The following CACNA1I variants were observed in gnomAD, a reference collection of about 807,000 sequenced individuals.
The protein encoded by CACNA1I is voltage-dependent T-type calcium channel subunit alpha-1I.
Under a neutral mutation model 201.6 loss-of-function variants are expected in CACNA1I, and 74 were observed. That is an observed-to-expected ratio of 0.37 (90% confidence interval 0.30 to 0.45). CACNA1I has a LOEUF of 0.45. Ranked by LOEUF, CACNA1I falls within the 20% of genes least tolerant of loss-of-function variation. CACNA1I has a pLI of 1.00. For missense variants in CACNA1I, 2,346 were observed against 3,138.1 expected (o/e 0.75, Z 6.03); for synonymous variants, 1,431 against 1,345.2 (o/e 1.06, Z -1.40).
At chr22:39,597,523 A>G (rs1195640744) in intron 1 of CACNA1I, among the ~76,000 whole-genome samples, 1 of 152,206 alleles carries the variant, frequency 6.6e-6, no homozygotes, top group Admixed American at 6.5e-5. Context: ...CCGCAGCAGG[A>G]GACTTTCTGC....
At chr22:39,614,764 G>A (rs1344428558) in intron 3 of CACNA1I, among the ~76,000 whole-genome samples, 1 of 152,170 alleles carries the variant, frequency 6.6e-6, no homozygotes, top group Non-Finnish European at 1.5e-5. Context: ...GGGAAGAAAT[G>A]GTGTCCACCC....
chr22:39,637,559 C>T (rs1460022769), intron 5 of CACNA1I, among the ~76,000 whole-genome samples: 1 of 151,976 alleles, frequency 6.6e-6, no homozygotes, highest in Non-Finnish European at 1.5e-5. Context: ...TATATATACC[C>T]AAAGATGTGT....
At chr22:39,604,744 A>C (rs549532795) in intron 3 of CACNA1I, among the ~76,000 whole-genome samples, 4 of 144,508 alleles carry the variant, frequency 2.8e-5, no homozygotes, top group African/African-American at 1.0e-4. Context: ...TGCCCGGCTA[A>C]TTTTTTTTTT....
chr22:39,630,141 A>G (rs1352543299), intron 4 of CACNA1I, among the ~76,000 whole-genome samples: 1 of 152,128 alleles, frequency 6.6e-6, no homozygotes, highest in South Asian at 2.1e-4. Flanking sequence ...ACAGCCCCTC[A>G]GCTGACTCTG....
chr22:39,684,231 A>G lies in CACNA1I; in HGVS notation c.5831-71A>G, dbSNP rs536971896. 77 of 1,391,312 alleles carry G rather than the reference A, an allele frequency of 5.5e-5. No individual in the cohort carries two copies. The African/African-American group carries it at 7.6e-4, about 14-fold the overall frequency. 86.2% of individuals were successfully genotyped at this position (1,391,312 alleles called of 1,614,324 possible). On this transcript the variant is annotated intron_variant, in intron 35 of 36. Transcript: ENST00000402142. This position sits in a 1 kb window ranked among gnomAD's most constrained non-coding sequence, Gnocchi z 4.6. ...GCTGGCCCAGTGAGATTGGTGCTCAATGCCACCTTCCAGGGGCTGCCCCCT... is the reference window on the plus strand; with the variant it reads ...GCTGGCCCAGTGAGATTGGTGCTCAGTGCCACCTTCCAGGGGCTGCCCCCT...
chr22:39,645,762 C>T (rs136824), intron 7 of CACNA1I, among the ~76,000 whole-genome samples: 2 of 152,090 alleles, frequency 1.3e-5, no homozygotes, highest in Non-Finnish European at 2.9e-5. Context: ...GAGGGGGCTG[C>T]GCCCTGAAAG....
At chr22:39,663,009 G>C in intron 18 of CACNA1I, 133 bp downstream of exon 18, 1 of 648,222 alleles carries the variant, frequency 1.5e-6, no homozygotes, top group Non-Finnish European at 2.8e-6. Flanking sequence ...CAGAGGTGGG[G>C]GTCTCCAGGG....
chr22:39,655,706 CT>C, intron 10 of CACNA1I, among the ~76,000 whole-genome samples: 1 of 152,314 alleles, frequency 6.6e-6, no homozygotes, highest in East Asian at 1.9e-4. Context: ...GCCCCTCCCT[CT>C]CCATGTCCCC....
chr22:39,644,533 C>T (rs1036252859), intron 7 of CACNA1I, among the ~76,000 whole-genome samples: 3 of 152,174 alleles, frequency 2.0e-5, no homozygotes, highest in Non-Finnish European at 4.4e-5. Context: ...TTTTTTCAGA[C>T]ACTGGGAAGG....
chr22:39,653,295 G>C (rs576131631), intron 10 of CACNA1I, among the ~76,000 whole-genome samples: 4 of 152,152 alleles, frequency 2.6e-5, no homozygotes, highest in African/African-American at 4.8e-5. Context: ...TAAAGTAAGA[G>C]GGGGAGGATG....
chr22:39,679,671 G>T, intron 32 of CACNA1I, 51 bp from the exon 33 acceptor site: 1 of 1,318,430 alleles, frequency 7.6e-7, no homozygotes. Context: ...CCACAGCCCC[G>T]GGACCCGGCT....
chr22:39,591,264 C>T (rs1398577947), intron 1 of CACNA1I, among the ~76,000 whole-genome samples: 2 of 151,212 alleles, frequency 1.3e-5, no homozygotes, highest in East Asian at 2.0e-4. Context: ...CGGGTTCAAG[C>T]GATCCTCCTG....
Position 39,679,372 on chromosome 22 carries a change from G to A in CACNA1I, c.5321G>A (p.Arg1774Gln), listed in dbSNP as rs925854645. ...LPTGSPGAPG[R>Q]GPGGAGGGGD... Reference sequence around the variant, plus strand: ...ACCGGCTCCCCGGGCGCCCCTGGCCGAGGGCCGGGAGGGGCGGGCGGCGGG... The same window carrying A: ...ACCGGCTCCCCGGGCGCCCCTGGCCAAGGGCCGGGAGGGGCGGGCGGCGGG... Residue 1774 changes from arginine (R) to glutamine (Q), a missense_variant, in exon 32 of 37, where the codon CGA becomes CAA. By Grantham distance (43) the Arg-to-Gln change is conservative (BLOSUM62 1). Around this residue, in one of 13 missense-constraint regions of CACNA1I, gnomAD observed 441 missense variants for 555.6 expected, o/e 0.79. Coordinates refer to ENST00000402142, the MANE Select transcript of CACNA1I (RefSeq NM_021096.4). 71 of 1,520,100 alleles carry A rather than the reference G, an allele frequency of 4.7e-5. 1 individual carries two copies. The highest frequency in any genetic ancestry group is 4.1e-4 in the Middle Eastern group (2 of 4,906). 94.2% of individuals were successfully genotyped at this position (1,520,100 alleles called of 1,614,324 possible).
At chr22:39,670,259 C>A in intron 25 of CACNA1I, 29 bp downstream of exon 25, 1 of 1,600,488 alleles carries the variant, frequency 6.2e-7, no homozygotes, top group Non-Finnish European at 8.5e-7. Context: ...AGGGCGTGGG[C>A]CACCCAGCTC....
intron 25 of CACNA1I, 81 bp downstream of exon 25, chr22:39,670,311 T>G (rs1935332124): frequency 7.0e-7 from 1 of 1,420,778 alleles, no homozygotes; most frequent in Non-Finnish European, 9.5e-7. Context: ...TCCTGAGCCT[T>G]TGGAGCTGGA....
intron 3 of CACNA1I, among the ~76,000 whole-genome samples, chr22:39,616,390 A>C (rs970620899): frequency 2.0e-5 from 3 of 152,156 alleles, no homozygotes; most frequent in Non-Finnish European, 2.9e-5. Flanking sequence ...ACATCCAGTC[A>C]CAACTTGTAT....
rs1465752292 is a variant in CACNA1I at position 39,679,426 on chromosome 22, G to A, written c.5375G>A (p.Arg1792His). The A allele has an allele frequency of 7.0e-6, 10 of 1,425,198 alleles. No individual in the cohort carries two copies. The highest frequency in any genetic ancestry group is 3.1e-5 in the South Asian group (2 of 65,136). 88.3% of individuals were successfully genotyped at this position (1,425,198 alleles called of 1,614,324 possible). The change falls in exon 32 of 37, where the codon CGC (arginine) becomes CAC (histidine). Residue 1792 changes from arginine to histidine, a missense_variant. Arg to His is a conservative substitution (Grantham distance 29). Transcript: ENST00000402142. Reference protein sequence around the residue: ...GGDTEGGLCRRCYSPAQENLW... With the variant: ...GGDTEGGLCRHCYSPAQENLW... ...GACACCGAGGGCGGCTTGTGCCGGC[G>A]CTGCTACTCGCCTGCCCAGGTGGGC... is the stretch of plus-strand genomic sequence containing the variant.
At chr22:39,662,582 C>A in intron 17 of CACNA1I, 147 bp downstream of exon 17, 1 of 719,316 alleles carries the variant, frequency 1.4e-6, no homozygotes, top group Non-Finnish European at 2.2e-6. Flanking sequence ...AGGTGTGAGG[C>A]AGGAGGGGTG....
Position 39,665,066 on chromosome 22 carries a change from C to T in CACNA1I, c.3851+143C>T, listed in dbSNP as rs2146455749. The stretch of plus-strand genomic sequence containing the variant: ...AGTGCCAAACACCCTGAGCTGTTCC[C>T]GGGGGAGGGGTCTGCAGACCCTGGG... On this transcript the variant is annotated intron_variant, in intron 21 of 36. Coordinates refer to ENST00000402142, the MANE Select transcript of CACNA1I (RefSeq NM_021096.4). This position sits in a 1 kb window ranked among gnomAD's most constrained non-coding sequence, Gnocchi z 5.5. 2.5e-6 allele frequency: 2 copies of T among 786,464 alleles called. No homozygotes were observed. Among genetic ancestry groups the T allele is most frequent in the African/African-American group, 1.7e-5 (1 of 58,058 alleles). The allele number at this position is 786,464 out of a possible 1,614,324, so 48.7% of individuals were successfully genotyped here.
Sources: allele counts gnomAD v4.1 joint callset (sites outside exome capture counted in the v4.1 genomes callset), GRCh38; gene constraint gnomAD v4.1.1; regional missense constraint gnomAD v4.1.1; non-coding constraint Gnocchi (gnomAD v3.1); transcripts MANE v1.5; gene names NCBI Gene and HGNC (gene_info 2026-07-23, HGNC 2026-07-21).